CADM2: variants seen among roughly 807,000 people sequenced by gnomAD.
CADM2 encodes the protein cell adhesion molecule 2, also known as immunoglobulin superfamily member 4D.
CADM2 carries 12 observed loss-of-function variants against 49.8 expected under a neutral mutation model. The observed-to-expected ratio is 0.24, with a 90% CI of 0.15 to 0.39. The LOEUF is 0.39. CADM2 is among the 10% of genes least tolerant of loss of function. The pLI is 1.00. For missense variants in CADM2, 378 were observed against 492.3 expected (o/e 0.77, Z 2.20); for synonymous variants, 214 against 175.4 (o/e 1.22, Z -1.74).
chr3:85,228,014 C>T (rs1004140566), intron 1 of CADM2, among the ~76,000 whole-genome samples: 15 of 152,268 alleles, frequency 9.9e-5, no homozygotes, highest in Admixed American at 2.6e-4. Flanking sequence ...TATGGGCTTC[C>T]CTTTGTGGGT....
intron 1 of CADM2, among the ~76,000 whole-genome samples, chr3:85,413,990 G>A (rs1284005237): frequency 6.6e-6 from 1 of 151,972 alleles, no homozygotes; most frequent in Admixed American, 6.5e-5. Flanking sequence ...TCAGCCTCCT[G>A]AGTAGCTGGG....
intron 8 of CADM2, among the ~76,000 whole-genome samples, chr3:86,011,601 C>T (rs1731519349): frequency 6.6e-6 from 1 of 151,916 alleles, no homozygotes; most frequent in Non-Finnish European, 1.5e-5. Flanking sequence ...AAGGAAGAGT[C>T]AGAAAAAGGA....
intron 1 of CADM2, among the ~76,000 whole-genome samples, chr3:85,310,772 C>A (rs2044322412): frequency 6.6e-6 from 1 of 152,084 alleles, no homozygotes; most frequent in Non-Finnish European, 1.5e-5. Flanking sequence ...AGTATGGAAG[C>A]AGGAACAGAA....
intron 1 of CADM2, among the ~76,000 whole-genome samples, chr3:85,483,979 C>T (rs986397201): frequency 6.6e-6 from 1 of 151,642 alleles, no homozygotes; most frequent in Non-Finnish European, 1.5e-5. Context: ...ACTATTTTTG[C>T]TTTTAAGCTA....
At chr3:85,996,479 A>G (rs942903214) in intron 8 of CADM2, among the ~76,000 whole-genome samples, 4 of 151,702 alleles carry the variant, frequency 2.6e-5, no homozygotes, top group African/African-American at 9.7e-5. Flanking sequence ...ACTAAAATTC[A>G]CATACATATA....
At chr3:85,609,712 A>T (rs890039513) in intron 1 of CADM2, among the ~76,000 whole-genome samples, 1 of 152,132 alleles carries the variant, frequency 6.6e-6, no homozygotes, top group African/African-American at 2.4e-5. Flanking sequence ...GGTATACTTG[A>T]AGATTATGTC....
intron 1 of CADM2, among the ~76,000 whole-genome samples, chr3:85,178,895 C>T (rs747588996): frequency 2.0e-5 from 3 of 151,642 alleles, no homozygotes; most frequent in Non-Finnish European, 4.4e-5. Context: ...TAGTATAGCA[C>T]CTATTTTCTC....
chr3:85,956,981 T>C (rs1007714491), intron 7 of CADM2, among the ~76,000 whole-genome samples: 2 of 151,680 alleles, frequency 1.3e-5, no homozygotes, highest in Non-Finnish European at 2.9e-5. Flanking sequence ...CTTTGAGTAG[T>C]ATTATAAAGA....
chr3:85,376,972 T>C (rs1165654818), intron 1 of CADM2, among the ~76,000 whole-genome samples: 2 of 152,096 alleles, frequency 1.3e-5, no homozygotes, highest in Non-Finnish European at 2.9e-5. Context: ...CTTCACAACA[T>C]TAAAACATTT....
chr3:85,857,037 G>A (rs1056972716), intron 3 of CADM2, among the ~76,000 whole-genome samples: 6 of 152,132 alleles, frequency 3.9e-5, no homozygotes, highest in African/African-American at 1.4e-4. Context: ...TTAAAATCAG[G>A]GCAACAGCAT....
At chr3:85,990,042 A>AAAAAAAAAAAAAAAAAAAATAAAAAAAAG (rs1436572625) in intron 8 of CADM2, among the ~76,000 whole-genome samples, 1 of 108,002 alleles carries the variant, frequency 9.3e-6, no homozygotes, top group Non-Finnish European at 2.0e-5. Flanking sequence ...AAAAAAAAAA[A>AAAAAAAAAAAAAAAAAAAATAAAAAAAAG]AAGAAGACTA....
At chr3:85,372,322 A>T (rs1437496230) in intron 1 of CADM2, among the ~76,000 whole-genome samples, 1 of 151,546 alleles carries the variant, frequency 6.6e-6, no homozygotes, top group East Asian at 1.9e-4. Context: ...AAAAGCAAAG[A>T]TGTCTAGATG....
intron 1 of CADM2, among the ~76,000 whole-genome samples, chr3:85,313,062 A>T (rs2107060443): frequency 6.6e-6 from 1 of 152,306 alleles, no homozygotes; most frequent in Non-Finnish European, 1.5e-5. Flanking sequence ...TTTTTGAAAC[A>T]GGTAGACAGC....
chr3:85,941,418 G>A (rs1721887295), intron 7 of CADM2, among the ~76,000 whole-genome samples: 2 of 152,010 alleles, frequency 1.3e-5, no homozygotes, highest in African/African-American at 2.4e-5. Context: ...TATTTAAACA[G>A]CAAAGGAATC....
At chr3:85,072,149 A>G (rs2036770959) in intron 1 of CADM2, among the ~76,000 whole-genome samples, 1 of 151,932 alleles carries the variant, frequency 6.6e-6, no homozygotes, top group South Asian at 2.1e-4. Context: ...TATTATGAAT[A>G]AAATTAAACA....
chr3:85,813,631 G>C (rs1180827313), intron 3 of CADM2, among the ~76,000 whole-genome samples: 6 of 152,098 alleles, frequency 3.9e-5, no homozygotes, highest in African/African-American at 1.2e-4. Flanking sequence ...TGTCCTGAAT[G>C]GTATTGTTCA....
chr3:85,606,322 A>T (rs1263072708), intron 1 of CADM2, among the ~76,000 whole-genome samples: 1 of 152,078 alleles, frequency 6.6e-6, no homozygotes, highest in Non-Finnish European at 1.5e-5. Flanking sequence ...TGCTTTCCAC[A>T]TGCTAGAATT....
intron 2 of CADM2, among the ~76,000 whole-genome samples, chr3:85,737,100 C>G (rs2068170550): frequency 6.6e-6 from 1 of 152,098 alleles, no homozygotes; most frequent in African/African-American, 2.4e-5. Context: ...CAAGCAGACA[C>G]CTAGAATGAC....
chr3:85,272,926 A>G (rs1032240845), intron 1 of CADM2, among the ~76,000 whole-genome samples: 3 of 150,972 alleles, frequency 2.0e-5, no homozygotes, highest in Non-Finnish European at 4.4e-5. Flanking sequence ...AAATACACAC[A>G]TTTTTTTTCT....
Sources: gnomAD v4.1 joint callset for allele counts (sites outside exome capture counted in the v4.1 genomes callset) on GRCh38, gnomAD v4.1.1 for gene constraint, MANE v1.5 for transcripts, NCBI Gene and HGNC (gene_info 2026-07-23, HGNC 2026-07-21) for gene names.